Variants in WBP11 observed in about 807,000 individuals in gnomAD.
WBP11 encodes the protein WW domain binding protein 11.
A neutral mutation model predicts 66.7 loss-of-function variants in WBP11; 12 were observed. The ratio of observed to expected loss-of-function variants is 0.18; its 90% CI spans 0.12 to 0.29. WBP11 has a LOEUF of 0.29. WBP11 is among the 10% of genes least tolerant of loss of function. The pLI, the probability that WBP11 is intolerant of heterozygous loss-of-function variation, is 1.00. For missense variants in WBP11, 555 were observed against 818.3 expected (o/e 0.68, Z 3.93); for synonymous variants, 255 against 273.8 (o/e 0.93, Z 0.68).
rs773868798 is a variant in WBP11, at chr12:14,793,886, C to T, written c.758G>A (p.Ser253Asn). ...GTCCTCAGGATAGCCATCATCTTCA[C>T]TGGTGCTAGAAACATCATCATCATG... is the stretch of plus-strand genomic sequence containing the variant. ...RGHDDDVSSTSEDDGYPEDMD... is the reference protein window; with the variant it reads ...RGHDDDVSSTNEDDGYPEDMD... Residue 253 changes from serine (S) to asparagine (N), a missense_variant, in exon 8 of 12, where the codon AGT (serine) becomes AAT (asparagine). By Grantham distance (46) the Ser-to-Asn change is conservative. This residue lies in a region of WBP11 where 220 missense variants were observed against 268.2 expected (regional missense o/e 0.82). Coordinates refer to ENST00000261167, the MANE Select transcript of WBP11 (RefSeq NM_016312.3). The T allele has an allele frequency of 6.2e-6, 10 of 1,613,640 alleles. No individual in the cohort carries two copies. The highest frequency in any genetic ancestry group is 8.5e-6 in the Non-Finnish European group (10 of 1,179,738).
At chr12:14,801,044 A>T in intron 2 of WBP11, 2 of 463,562 alleles carry the variant, frequency 4.3e-6, no homozygotes. Context: ...ACGCGAAACA[A>T]GGGCTCGCAA....
intron 8 of WBP11, 25 bp downstream of exon 8, chr12:14,793,706 C>A: frequency 6.2e-7 from 1 of 1,607,012 alleles, no homozygotes; most frequent in Non-Finnish European, 8.5e-7. Context: ...TTGATCAATA[C>A]CATGAATCCT....
In WBP11 at chr12:14,793,818, T is replaced by C. The variant is rs769146737; in HGVS notation, c.826A>G (p.Thr276Ala). ...KHDDSTDDSD[T>A]DKSDGESDGD... Reference sequence around the variant, plus strand: ...TCACTTTCTCCATCTGATTTGTCGGTGTCACTGTCATCAGTACTGTCATCA... The same window carrying C: ...TCACTTTCTCCATCTGATTTGTCGGCGTCACTGTCATCAGTACTGTCATCA... Residue 276 changes from threonine (T) to alanine (A), a missense_variant, in exon 8 of 12, where the codon ACC becomes GCC. This residue lies in a region of WBP11 where 220 missense variants were observed against 268.2 expected (regional missense o/e 0.82). Coordinates refer to ENST00000261167, the MANE Select transcript of WBP11 (RefSeq NM_016312.3). 3 of 1,614,122 alleles carry C rather than the reference T, an allele frequency of 1.9e-6. No individual in the cohort carries two copies. The East Asian group carries it at 6.7e-5, about 36-fold the overall frequency.
chr12:14,795,107 G>A lies in WBP11; in HGVS notation c.388-3C>T. On this transcript the variant is annotated splice_polypyrimidine_tract_variant and splice_region_variant and intron_variant, in intron 5 of 11. Transcript: ENST00000261167. Reference sequence around the variant, plus strand: ...TCCACTTCCACATGCTGAGCATTCTGAAACAGAGAACCATTCAGTAGTATG... The same window carrying A: ...TCCACTTCCACATGCTGAGCATTCTAAAACAGAGAACCATTCAGTAGTATG... 2 of 1,596,954 alleles carry A rather than the reference G, an allele frequency of 1.3e-6. No homozygotes were observed. The highest frequency in any genetic ancestry group is 1.7e-6 in the Non-Finnish European group (2 of 1,173,344).
At chr12:14,801,474 T>A in intron 1 of WBP11, 46 bp from the exon 2 acceptor site, 1 of 1,234,270 alleles carries the variant, frequency 8.1e-7, no homozygotes, top group Non-Finnish European at 1.2e-6. Context: ...CCTAAATGTA[T>A]TTCTTCCTTT....
At position 14,787,211 on chromosome 12, in the gene WBP11, C is replaced by A; in HGVS notation, c.1780G>T (p.Ala594Ser). Residue 594 changes from alanine (A) to serine (S), a missense_variant, in exon 12 of 12, where the codon GCT (alanine) becomes TCT (serine). Ala to Ser is a moderately conservative substitution (Grantham distance 99, BLOSUM62 1). Around this residue, in one of 6 missense-constraint regions of WBP11, gnomAD observed 50 missense variants for 68.3 expected, o/e 0.73. Coordinates refer to ENST00000261167, the MANE Select transcript of WBP11 (RefSeq NM_016312.3). ...TCCTCTGACTTTCTTTGGGGAGCAG[C>A]AGTAGCCCCTTTATTCTCCCGACGT... is the stretch of plus-strand genomic sequence containing the variant. ...RVRRENKGATAAPQRKSEDDS... is the reference protein window; with the variant it reads ...RVRRENKGATSAPQRKSEDDS... The A allele has an allele frequency of 6.2e-7, 1 of 1,614,136 alleles. No homozygotes were observed. Among genetic ancestry groups the A allele is most frequent in the Non-Finnish European group, 8.5e-7 (1 of 1,180,044 alleles).
rs773992589 is a variant in WBP11, at chr12:14,799,714, G to A, written c.111C>T (p.Arg37=). The part of the protein sequence containing the change: ...KRELKKNKKQ[R]MMVRAAVLKM... The stretch of plus-strand genomic sequence containing the variant: ...TTAAAACTGCAGCTCGAACCATCAT[G>A]CGCTGTTTTTTGTTCTTAGAAAAAT... Residue 37 remains arginine (R), a synonymous_variant, in exon 4 of 12, where the codon CGC becomes CGT. Transcript: ENST00000261167. 50 of 1,613,060 alleles carry A rather than the reference G, an allele frequency of 3.1e-5. No homozygotes were observed. In the South Asian group the frequency reaches 5.3e-4, roughly 17 times the overall value.
At chr12:14,797,177 C>T (rs1476019586) in intron 4 of WBP11, among the ~76,000 whole-genome samples, 174 bp from the exon 5 acceptor site, 2 of 152,134 alleles carry the variant, frequency 1.3e-5, no homozygotes, top group African/African-American at 4.8e-5. Context: ...AAAATCCCCA[C>T]CCTTTTTAGA....
intron 8 of WBP11, among the ~76,000 whole-genome samples, chr12:14,793,335 T>C (rs1049188467): frequency 2.6e-5 from 4 of 152,212 alleles, no homozygotes; most frequent in Admixed American, 1.3e-4. Context: ...TGATCCTGGT[T>C]CATGTAAGAT....
chr12:14,802,728 T>G (rs1225601695), intron 1 of WBP11, among the ~76,000 whole-genome samples: 3 of 150,716 alleles, frequency 2.0e-5, no homozygotes, highest in Non-Finnish European at 3.0e-5. Context: ...CAGCAGGGAG[T>G]AGGAGGTAGG....
At chr12:14,800,204 TTATAC>T (rs1342773684) in intron 3 of WBP11, among the ~76,000 whole-genome samples, 1 of 152,112 alleles carries the variant, frequency 6.6e-6, no homozygotes, top group South Asian at 2.1e-4. Context: ...CTTCAATGTA[TTATAC>T]TATAATACTA....
chr12:14,787,597 T>C (rs980569933), intron 11 of WBP11, 99 bp from the exon 12 acceptor site: 1 of 1,101,890 alleles, frequency 9.1e-7, no homozygotes, highest in African/African-American at 1.6e-5. Context: ...TTTAAATAAA[T>C]GGATAACAAC....
intron 1 of WBP11, among the ~76,000 whole-genome samples, chr12:14,803,011 A>G (rs1207202790): frequency 2.0e-5 from 3 of 152,232 alleles, no homozygotes; most frequent in East Asian, 1.9e-4. Context: ...AGAAGCTTCA[A>G]TGGGATAGGG....
chr12:14,802,610 T>C (rs745714781), intron 1 of WBP11, among the ~76,000 whole-genome samples: 46 of 144,890 alleles, frequency 3.2e-4, no homozygotes, highest in Non-Finnish European at 5.3e-4. Flanking sequence ...ACTACTTAAC[T>C]AAAATCTTTA....
At chr12:14,790,010 C>A (rs190080939) in intron 10 of WBP11, among the ~76,000 whole-genome samples, 1 of 152,190 alleles carries the variant, frequency 6.6e-6, no homozygotes, top group Admixed American at 6.5e-5. Context: ...AGACTAATCA[C>A]CTTTGCCTCT....
chr12:14,793,643 G>C, intron 8 of WBP11, 88 bp downstream of exon 8: 1 of 1,439,474 alleles, frequency 6.9e-7, no homozygotes. Flanking sequence ...AGATTTCAGA[G>C]TACTCTCACA....
At chr12:14,798,947 C>A (rs1005173657) in intron 4 of WBP11, among the ~76,000 whole-genome samples, 2 of 152,014 alleles carry the variant, frequency 1.3e-5, no homozygotes, top group African/African-American at 4.8e-5. Flanking sequence ...TAATATTAAA[C>A]AGAATGGATA....
intron 4 of WBP11, 144 bp from the exon 5 acceptor site, chr12:14,797,147 G>A (rs1028906882): frequency 5.6e-5 from 29 of 522,008 alleles, no homozygotes; most frequent in African/African-American, 7.9e-5. Flanking sequence ...AATTTTATTC[G>A]AAGAACTACA....
rs1255181721 is a variant in WBP11, at chr12:14,786,852, G to C, written c.*213C>G. On this transcript the variant is annotated 3_prime_UTR_variant, in exon 12 of 12. Transcript: ENST00000261167. ...GTGGTATGAAAGGGAATGGATGTTA[G>C]CAGCACTGCTTCAATAACTGATCTA... The C allele has an allele frequency of 1.9e-6, 1 of 533,152 alleles. No homozygotes were observed. The highest frequency in any genetic ancestry group is 3.3e-6 in the Non-Finnish European group (1 of 302,466). 33.0% of individuals were successfully genotyped at this position (533,152 alleles called of 1,614,324 possible).
Sources: gnomAD v4.1 joint callset for allele counts (sites outside exome capture counted in the v4.1 genomes callset) on GRCh38, gnomAD v4.1.1 for gene constraint, gnomAD v4.1.1 regional missense constraint, MANE v1.5 for transcripts, NCBI Gene and HGNC (gene_info 2026-07-23, HGNC 2026-07-21) for gene names.